RIMS1: variants seen among roughly 807,000 people sequenced by gnomAD.
RIMS1 encodes the protein regulating synaptic membrane exocytosis protein 1.
A neutral mutation model predicts 214.1 loss-of-function variants in RIMS1; 83 were observed. The observed-to-expected ratio is 0.39, with a 90% CI of 0.32 to 0.47. The LOEUF (loss-of-function observed/expected upper bound fraction) is 0.47. Ranked by LOEUF, RIMS1 falls within the 20% of genes least tolerant of loss-of-function variation. RIMS1 has a pLI of 0.99. For missense variants in RIMS1, 2,050 were observed against 2,161.8 expected, an observed-to-expected ratio of 0.95 and a Z score of 1.03; for synonymous variants, 793 against 786.8, an observed-to-expected ratio of 1.01 and a Z score of -0.13.
intron 22 of RIMS1, among the ~76,000 whole-genome samples, chr6:72,270,860 G>C (rs972066754): frequency 6.6e-6 from 1 of 152,148 alleles, no homozygotes; most frequent in Non-Finnish European, 1.5e-5. Context: ...ATGAGGAAAG[G>C]CTTACTTGAA....
intron 1 of RIMS1, among the ~76,000 whole-genome samples, chr6:71,920,814 T>C (rs1163875170): frequency 1.3e-5 from 2 of 152,196 alleles, no homozygotes; most frequent in Non-Finnish European, 2.9e-5. Flanking sequence ...CAAAAAATAG[T>C]CAATCATATT....
chr6:72,076,798 A>G (rs1832007222), intron 2 of RIMS1, among the ~76,000 whole-genome samples: 1 of 152,132 alleles, frequency 6.6e-6, no homozygotes, highest in Non-Finnish European at 1.5e-5. Context: ...TACCTCCAGC[A>G]TAAGCACTCT....
chr6:72,255,119 A>C (rs1305473674), intron 16 of RIMS1, among the ~76,000 whole-genome samples: 2 of 152,196 alleles, frequency 1.3e-5, no homozygotes, highest in Non-Finnish European at 2.9e-5. Flanking sequence ...TATGGCAAAT[A>C]TAACTAGTCA....
chr6:71,902,512 A>G (rs1411904721), intron 1 of RIMS1, among the ~76,000 whole-genome samples: 2 of 152,010 alleles, frequency 1.3e-5, no homozygotes, highest in Non-Finnish European at 2.9e-5. Flanking sequence ...ACAATTTCCT[A>G]TGTATGTGAT....
At chr6:72,342,484 T>C (rs560597011) in intron 29 of RIMS1, among the ~76,000 whole-genome samples, 20 of 151,922 alleles carry the variant, frequency 1.3e-4, no homozygotes, top group African/African-American at 4.6e-4. Flanking sequence ...AGGTAACTCT[T>C]ATGAACTTTT....
rs775568685 is a variant in RIMS1, at chr6:72,333,673, A to C, written c.4204A>C (p.Ser1402Arg). 3 of 1,596,388 alleles carry C rather than the reference A, an allele frequency of 1.9e-6. No individual in the cohort carries two copies. The highest frequency in any genetic ancestry group is 2.6e-6 in the Non-Finnish European group (3 of 1,171,386). The change falls in exon 29 of 34, where the codon AGT becomes CGT. Residue 1402 changes from serine to arginine, a missense_variant. This residue lies in a region of RIMS1 where 889 missense variants were observed against 885.5 expected (regional missense o/e 1.00). Transcript: ENST00000521978. ...ATCCATCATGAAGAGCACCAGTGTC[A>C]GTGGAGAGATGTACACACTGGAGCA... ...GRSIMKSTSV[S>R]GEMYTLEHND...
rs78552629 is a variant in RIMS1 at position 72,094,615 on chromosome 6, C to T, written c.246-2334C>T. On this transcript the variant is annotated intron_variant, in intron 2 of 33. Transcript: ENST00000521978. ...AGTTTCATTGGAGCATATTTACATT[C>T]ATTCATTTACATACTATCTGTGGCT... Among the ~76,000 whole-genome samples the T allele has an allele frequency of 5.5e-3, 841 of 152,258 alleles. 7 individuals are homozygous for T. Among genetic ancestry groups the T allele is most frequent in the African/African-American group, 0.02 (816 of 41,550 alleles).
At chr6:71,907,145 C>T (rs1775478118) in intron 1 of RIMS1, among the ~76,000 whole-genome samples, 3 of 152,160 alleles carry the variant, frequency 2.0e-5, no homozygotes, top group Admixed American at 2.0e-4. Flanking sequence ...CTTTTAGCAG[C>T]ACTTTGGAAT....
intron 1 of RIMS1, among the ~76,000 whole-genome samples, chr6:71,953,413 A>C (rs1790244581): frequency 6.6e-6 from 1 of 152,206 alleles, no homozygotes; most frequent in Non-Finnish European, 1.5e-5. Flanking sequence ...GTGAGTTTAA[A>C]GCAAATGGCA....
At chr6:72,375,570 G>A (rs543850541) in intron 29 of RIMS1, among the ~76,000 whole-genome samples, 1 of 152,284 alleles carries the variant, frequency 6.6e-6, no homozygotes, top group Non-Finnish European at 1.5e-5. Context: ...TAACTAAACA[G>A]AGTGAAACAT....
At chr6:72,286,416 C>T (rs1442417453) in intron 24 of RIMS1, among the ~76,000 whole-genome samples, 1 of 152,144 alleles carries the variant, frequency 6.6e-6, no homozygotes, top group East Asian at 1.9e-4. Context: ...ATCCTCCAAT[C>T]AGAATAGCAA....
intron 2 of RIMS1, among the ~76,000 whole-genome samples, chr6:72,009,082 C>T (rs1809137336): frequency 6.6e-6 from 1 of 152,146 alleles, no homozygotes; most frequent in Non-Finnish European, 1.5e-5. Flanking sequence ...AAGTAAAGCT[C>T]TCCTCAGCAA....
chr6:72,072,213 A>C (rs1830729519), intron 2 of RIMS1, among the ~76,000 whole-genome samples: 1 of 152,174 alleles, frequency 6.6e-6, no homozygotes, highest in African/African-American at 2.4e-5. Flanking sequence ...TCAGAGAATA[A>C]TTTTGTTGTA....
intron 29 of RIMS1, among the ~76,000 whole-genome samples, chr6:72,348,240 G>A (rs142315230): frequency 9.9e-4 from 151 of 151,874 alleles, no homozygotes; most frequent in African/African-American, 3.4e-3. Flanking sequence ...TCGCAGGCCC[G>A]CTTATACACA....
intron 4 of RIMS1, among the ~76,000 whole-genome samples, chr6:72,153,098 C>T (rs2043951545): frequency 7.8e-6 from 1 of 128,994 alleles, no homozygotes. Flanking sequence ...GTATATATTC[C>T]CTATGTATAT....
At chr6:72,190,421 C>T (rs1193144217) in intron 6 of RIMS1, among the ~76,000 whole-genome samples, 1 of 147,766 alleles carries the variant, frequency 6.8e-6, no homozygotes, top group African/African-American at 2.5e-5. Flanking sequence ...TGAGATCGCG[C>T]CATTGCACTC....
intron 4 of RIMS1, among the ~76,000 whole-genome samples, chr6:72,100,941 A>G (rs1723347236): frequency 6.6e-6 from 1 of 152,012 alleles, no homozygotes; most frequent in African/African-American, 2.4e-5. Flanking sequence ...TTGAAAAATT[A>G]TATAGGATAA....
chr6:72,181,450 A>G (rs1165056231), intron 5 of RIMS1, among the ~76,000 whole-genome samples: 2 of 152,220 alleles, frequency 1.3e-5, no homozygotes, highest in African/African-American at 2.4e-5. Context: ...TTGGAAGATG[A>G]TATCTTTAAA....
Position 72,313,525 on chromosome 6 carries a change from A to T in RIMS1, c.3983A>T (p.Gln1328Leu). Residue 1328 changes from glutamine (Q) to leucine (L), a missense_variant, in exon 28 of 34, where the codon CAG (glutamine) becomes CTG (leucine). Gln to Leu is a moderately radical substitution (Grantham distance 113, BLOSUM62 -2). Transcript: ENST00000521978. ...CTTTAGTATAACATACATAAAGATC[A>T]GTACAGAAGCTGTGATAACGTCTCT... ...QYSKYNIHKD[Q>L]YRSCDNVSAK... 6.2e-7 allele frequency: 1 copy of T among 1,613,586 alleles called. No homozygotes were observed. The highest frequency in any genetic ancestry group is 8.5e-7 in the Non-Finnish European group (1 of 1,179,688).
Sources: gnomAD v4.1 joint callset for allele counts (sites outside exome capture counted in the v4.1 genomes callset) on GRCh38, gnomAD v4.1.1 for gene constraint, gnomAD v4.1.1 regional missense constraint, MANE v1.5 for transcripts, NCBI Gene and HGNC (gene_info 2026-07-23, HGNC 2026-07-21) for gene names.